Variants in DLG2 observed in about 807,000 individuals in gnomAD.
The protein encoded by DLG2 is discs large MAGUK scaffold protein 2.
A neutral mutation model predicts 132.5 loss-of-function variants in DLG2; 45 were observed. That is an observed-to-expected ratio of 0.34 (90% confidence interval 0.27 to 0.44). The LOEUF is 0.44. Among genes scored for constraint, DLG2 ranks in the 20% least tolerant of loss-of-function variants. The pLI is 1.00. For synonymous variants in DLG2, 424 were observed against 419.6 expected (o/e 1.01, Z -0.13); for missense variants, 1,045 against 1,196.9 (o/e 0.87, Z 1.87).
At chr11:84,018,599 C>T (rs2095292231) in intron 11 of DLG2, among the ~76,000 whole-genome samples, 1 of 151,582 alleles carries the variant, frequency 6.6e-6, no homozygotes, top group Non-Finnish European at 1.5e-5. Flanking sequence ...GTGCCATCAC[C>T]TATAGTCTAG....
At chr11:85,167,454 A>C (rs981462587) in intron 4 of DLG2, among the ~76,000 whole-genome samples, 6 of 152,156 alleles carry the variant, frequency 3.9e-5, no homozygotes, top group African/African-American at 1.4e-4. Context: ...AAAACAGCAG[A>C]ATCAGGAAGT....
intron 6 of DLG2, among the ~76,000 whole-genome samples, chr11:84,818,186 C>A (rs1429197963): frequency 6.6e-6 from 1 of 151,994 alleles, no homozygotes; most frequent in African/African-American, 2.4e-5. Flanking sequence ...ACGTAGAGGA[C>A]AATGACTGGC....
chr11:84,203,509 G>C (rs570273320), intron 8 of DLG2, among the ~76,000 whole-genome samples: 1 of 150,452 alleles, frequency 6.6e-6, no homozygotes, highest in Non-Finnish European at 1.5e-5. Context: ...GTGAACCCGG[G>C]AGGCGGAGCT....
chr11:84,413,053 T>C (rs1227232600), intron 7 of DLG2, among the ~76,000 whole-genome samples: 1 of 152,204 alleles, frequency 6.6e-6, no homozygotes, highest in Admixed American at 6.5e-5. Context: ...CTTTCAATCC[T>C]ACTGACACAA....
At chr11:84,723,931 A>G (rs2062110904) in intron 6 of DLG2, among the ~76,000 whole-genome samples, 1 of 152,214 alleles carries the variant, frequency 6.6e-6, no homozygotes. Context: ...CAGGATTATC[A>G]ATAAATGTAA....
intron 18 of DLG2, among the ~76,000 whole-genome samples, chr11:83,714,499 G>C (rs879939856): frequency 2.0e-5 from 3 of 152,130 alleles, no homozygotes; most frequent in Non-Finnish European, 4.4e-5. Context: ...AGTAGAGCTG[G>C]AATTCAAACA....
chr11:85,550,946 A>T (rs1330089877), intron 3 of DLG2, among the ~76,000 whole-genome samples: 1 of 152,266 alleles, frequency 6.6e-6, no homozygotes, highest in African/African-American at 2.4e-5. Context: ...AAGACTTTTC[A>T]GAAACAATTG....
chr11:83,977,343 G>C (rs954348164), intron 12 of DLG2, among the ~76,000 whole-genome samples: 1 of 151,972 alleles, frequency 6.6e-6, no homozygotes, highest in Non-Finnish European at 1.5e-5. Flanking sequence ...GGCATCAAGA[G>C]TATGAGCTAT....
chr11:84,384,224 A>G (rs2098759718), intron 7 of DLG2, among the ~76,000 whole-genome samples: 1 of 151,828 alleles, frequency 6.6e-6, no homozygotes, highest in Non-Finnish European at 1.5e-5. Flanking sequence ...ATAATCTATA[A>G]GCCTACATCT....
At chr11:83,651,925 C>A (rs190166490) in intron 18 of DLG2, 1 of 470,392 alleles carries the variant, frequency 2.1e-6, no homozygotes, top group Non-Finnish European at 4.4e-6. Context: ...TATGTGATAT[C>A]GGCACCTTTG....
intron 18 of DLG2, among the ~76,000 whole-genome samples, chr11:83,728,377 T>A (rs988978583): frequency 6.6e-6 from 1 of 152,226 alleles, no homozygotes. Flanking sequence ...CCTAGAAAAC[T>A]TGGTGACTTT....
chr11:84,544,176 G>A (rs530234693), intron 6 of DLG2, among the ~76,000 whole-genome samples: 20 of 152,306 alleles, frequency 1.3e-4, no homozygotes, highest in African/African-American at 4.6e-4. Flanking sequence ...AATGAGCTAG[G>A]CTCAGGATCT....
At chr11:83,531,087 T>A (rs755908773) in intron 21 of DLG2, among the ~76,000 whole-genome samples, 11 of 151,958 alleles carry the variant, frequency 7.2e-5, no homozygotes, top group Non-Finnish European at 1.5e-4. Flanking sequence ...TAAATCTTCA[T>A]GACTTTCATT....
chr11:84,781,726 T>C (rs939797699), intron 6 of DLG2, among the ~76,000 whole-genome samples: 4 of 152,136 alleles, frequency 2.6e-5, no homozygotes, highest in South Asian at 2.1e-4. Context: ...AGAATATTCA[T>C]GTTTAGAGTG....
At chr11:84,766,554 C>A (rs536585410) in intron 6 of DLG2, among the ~76,000 whole-genome samples, 2 of 152,142 alleles carry the variant, frequency 1.3e-5, no homozygotes, top group South Asian at 4.1e-4. Flanking sequence ...GAGAACATAA[C>A]AGCTCATCAG....
intron 11 of DLG2, among the ~76,000 whole-genome samples, chr11:83,985,157 C>T (rs2093158238): frequency 1.3e-5 from 2 of 151,956 alleles, no homozygotes; most frequent in African/African-American, 4.8e-5. Context: ...CTTGCATAGA[C>T]TCTGTTAAAG....
intron 15 of DLG2, among the ~76,000 whole-genome samples, chr11:83,902,995 C>A (rs897352045): frequency 2.0e-5 from 3 of 152,094 alleles, no homozygotes; most frequent in African/African-American, 7.2e-5. Flanking sequence ...ATGATCATAG[C>A]ACCGTCCATA....
chr11:84,812,028 TTC>T (rs1267483112), intron 6 of DLG2, among the ~76,000 whole-genome samples: 4 of 152,236 alleles, frequency 2.6e-5, no homozygotes, highest in Admixed American at 1.3e-4. Flanking sequence ...TCCACAGTTA[TTC>T]TCTGTCTACC....
intron 5 of DLG2, among the ~76,000 whole-genome samples, chr11:85,139,222 G>T (rs538749253): frequency 6.6e-6 from 1 of 152,054 alleles, no homozygotes; most frequent in Non-Finnish European, 1.5e-5. Flanking sequence ...TTACCAGTGA[G>T]AGCAGGAACC....
Sources: gnomAD v4.1 joint callset for allele counts (sites outside exome capture counted in the v4.1 genomes callset) on GRCh38, gnomAD v4.1.1 for gene constraint, MANE v1.5 for transcripts, NCBI Gene and HGNC (gene_info 2026-07-23, HGNC 2026-07-21) for gene names.